The following SCN9A variants were observed in gnomAD, a reference collection of about 807,000 sequenced individuals.
SCN9A encodes the protein sodium channel protein type 9 subunit alpha.
SCN9A carries 131 observed loss-of-function variants against 187.0 expected under a neutral mutation model. That is an observed-to-expected ratio of 0.70 (90% CI 0.61 to 0.81). The LOEUF is 0.81. SCN9A is among the 30% of genes least tolerant of loss of function. The pLI, the probability that SCN9A is intolerant of heterozygous loss-of-function variation, is 0.00. For synonymous variants in SCN9A, 809 were observed against 808.6 expected, an observed-to-expected ratio of 1.00 and a Z score of -0.01; for missense variants, 2,252 against 2,396.6, an observed-to-expected ratio of 0.94 and a Z score of 1.26.
At chr2:166,204,764 A>C (rs890012871) in intron 24 of SCN9A, 2 of 170,938 alleles carry the variant, frequency 1.2e-5, no homozygotes, top group East Asian at 3.1e-4. Flanking sequence ...TATCTTTTTT[A>C]TCTGCTAGCT....
At chr2:166,335,275 A>G (rs1358662289) in intron 1 of SCN9A, among the ~76,000 whole-genome samples, 1 of 152,104 alleles carries the variant, frequency 6.6e-6, no homozygotes, top group African/African-American at 2.4e-5. Context: ...CATAAACAAG[A>G]GTTGAGCCAA....
rs372625083 is a variant in SCN9A, at chr2:166,297,024, C to T, written c.902-2362G>A. Among the ~76,000 whole-genome samples, 701 of 151,240 alleles carry T rather than the reference C, an allele frequency of 4.6e-3. 2 individuals carry two copies. The highest frequency in any genetic ancestry group is 0.021 in the Middle Eastern group (6 of 292). On this transcript the variant is annotated intron_variant, in intron 7 of 26. Coordinates refer to ENST00000642356, the MANE Select transcript of SCN9A (RefSeq NM_001365536.1). ...CATCCTGGCTAACACAATGAAACCC[C>T]GTCTCTACTAAAAATACAAAAAAAT...
Position 166,199,247 on chromosome 2 carries a change from C to G in SCN9A, c.5392G>C (p.Glu1798Gln), listed in dbSNP as rs770416478. The G allele has an allele frequency of 8.7e-6, 14 of 1,614,112 alleles. 1 individual carries two copies. In the South Asian group the frequency reaches 1.5e-4, roughly 18 times the overall value. Residue 1798 changes from glutamate (E) to glutamine (Q), a missense_variant, in exon 27 of 27, where the codon GAG becomes CAG. This residue lies in a region of SCN9A where 345 missense variants were observed against 344.6 expected (regional missense o/e 1.00). Transcript: ENST00000642356. ...GCAAAATCAGAGAGTTTAGAGAACT[C>G]TATAAACTGGGTCGCATCGGGATCA... ...KFDPDATQFI[E>Q]FSKLSDFAAA...
chr2:166,208,901 G>A (rs16851795), intron 24 of SCN9A, among the ~76,000 whole-genome samples: 2 of 152,148 alleles, frequency 1.3e-5, no homozygotes, highest in Non-Finnish European at 2.9e-5. Flanking sequence ...CTTTCTAGGG[G>A]CTAATTTATT....
chr2:166,347,249 ATTTTTTT>A (rs1471296121), intron 1 of SCN9A, among the ~76,000 whole-genome samples: 1 of 152,032 alleles, frequency 6.6e-6, no homozygotes, highest in African/African-American at 2.4e-5. Flanking sequence ...GGGATCTTTT[ATTTTTTT>A]GAGTATTCTG....
chr2:166,226,622 GT>G lies in SCN9A; in HGVS notation c.4342del (p.Thr1448LeufsTer2). The G allele has an allele frequency of 6.3e-7, 1 of 1,588,818 alleles. No homozygotes were observed. Among genetic ancestry groups the G allele is most frequent in the Non-Finnish European group, 8.6e-7 (1 of 1,166,750 alleles). Reference sequence around the variant, plus strand: ...GATGACACCAATGAACAAGTTCAAAGTGAAGAATGACCCAAAGATGATAAAG... The same window carrying G: ...GATGACACCAATGAACAAGTTCAAAGGAAGAATGACCCAAAGATGATAAAG... ...VVFIIFGSFF[T>X]LNLFIGVIID... On this transcript the variant is annotated frameshift_variant, in exon 24 of 27. Coordinates refer to ENST00000642356, the MANE Select transcript of SCN9A (RefSeq NM_001365536.1). LOFTEE classifies it high-confidence loss of function.
chr2:166,243,395 A>G (rs1267943013), intron 18 of SCN9A, among the ~76,000 whole-genome samples: 3 of 151,996 alleles, frequency 2.0e-5, no homozygotes, highest in African/African-American at 4.8e-5. Flanking sequence ...GGTTAGGTAG[A>G]TAAAAACAGA....
intron 24 of SCN9A, among the ~76,000 whole-genome samples, chr2:166,220,144 A>G (rs1402681621): frequency 6.6e-6 from 1 of 152,204 alleles, no homozygotes; most frequent in Non-Finnish European, 1.5e-5. Context: ...GTGATACACC[A>G]CATGATCTGA....
intron 12 of SCN9A, among the ~76,000 whole-genome samples, chr2:166,282,569 C>A (rs892438652): frequency 3.3e-5 from 5 of 152,034 alleles, no homozygotes; most frequent in African/African-American, 1.2e-4. Context: ...GCCAGAAATA[C>A]ACACACACAC....
intron 1 of SCN9A, among the ~76,000 whole-genome samples, chr2:166,327,090 G>A (rs1699382479): frequency 6.6e-6 from 1 of 152,068 alleles, no homozygotes; most frequent in African/African-American, 2.4e-5. Flanking sequence ...ATTTAATATT[G>A]CGTTTATACC....
At chr2:166,276,910 A>C (rs1697258497) in intron 16 of SCN9A, 73 bp downstream of exon 16, 1 of 1,129,402 alleles carries the variant, frequency 8.9e-7, no homozygotes, top group South Asian at 2.5e-5. Context: ...TAAAATTATA[A>C]AAATAATAGA....
In SCN9A at chr2:166,266,332, A is replaced by G. The variant is rs574806254; in HGVS notation, c.3351+6067T>C. Among the ~76,000 whole-genome samples the G allele has an allele frequency of 6.6e-5, 10 of 151,974 alleles. 1 individual carries two copies. The East Asian group carries it at 1.9e-3, about 30-fold the overall frequency. On this transcript the variant is annotated intron_variant, in intron 17 of 26. Transcript: ENST00000642356. ...TTACTAAAGAGGCTGTCCTTTCTCT[A>G]TTATAGGTACTTGGAACCTTGTCAA...
Position 166,199,410 on chromosome 2 carries a change from A to G in SCN9A, c.5229T>C (p.Tyr1743=), listed in dbSNP as rs759253467. 1.9e-6 allele frequency: 3 copies of G among 1,614,242 alleles called. No individual in the cohort carries two copies. Among genetic ancestry groups the G allele is most frequent in the South Asian group, 2.2e-5 (2 of 91,086 alleles). ...PSVGIFYFVS[Y]IIISFLVVVN... is the part of the protein sequence containing the mutation. ...CCACAACCAGGAAGGATATGATGAT[A>G]TAACTAACAAAGTAGAATATTCCAA... The change falls in exon 27 of 27, where the codon TAT becomes TAC. Residue 1743 remains tyrosine, a synonymous_variant. Coordinates refer to ENST00000642356, the MANE Select transcript of SCN9A (RefSeq NM_001365536.1).
At chr2:166,356,228 T>A (rs1700149669) in intron 1 of SCN9A, among the ~76,000 whole-genome samples, 1 of 152,218 alleles carries the variant, frequency 6.6e-6, no homozygotes, top group African/African-American at 2.4e-5. Context: ...AACATTTTTT[T>A]ATTTAGATTT....
Position 166,272,950 on chromosome 2 carries a change from CT to C in SCN9A, c.2875-76del, listed in dbSNP as rs1697069114. 7.0e-6 allele frequency: 5 copies of C among 710,374 alleles called. 1 individual carries two copies. In the South Asian group the frequency reaches 1.9e-4, roughly 27 times the overall value. The allele number at this position is 710,374 out of a possible 1,614,324, so 44.0% of individuals were successfully genotyped here. A position where few individuals can be genotyped will look rare whatever the true frequency, so the allele number is the denominator to read the frequency against. The stretch of plus-strand genomic sequence containing the variant: ...TAAAAAATAAAATAAAATAAGTACA[CT>C]TTTCCGAATATAGGCCACAATACAA... On this transcript the variant is annotated intron_variant, in intron 16 of 26. Coordinates refer to ENST00000642356, the MANE Select transcript of SCN9A (RefSeq NM_001365536.1).
chr2:166,299,054 T>C (rs1698440252), intron 7 of SCN9A, among the ~76,000 whole-genome samples: 1 of 152,204 alleles, frequency 6.6e-6, no homozygotes, highest in African/African-American at 2.4e-5. Context: ...TGCAGTCTTC[T>C]CTTCTATCTT....
At chr2:166,288,120 T>TATATATATATACACACACAC (rs56738765) in intron 10 of SCN9A, among the ~76,000 whole-genome samples, 117 of 135,518 alleles carry the variant, frequency 8.6e-4, no homozygotes, top group Non-Finnish European at 1.5e-3. Context: ...TATATATATA[T>TATATATATATACACACACAC]ACACACACAT....
intron 1 of SCN9A, among the ~76,000 whole-genome samples, chr2:166,317,872 T>C (rs1699145150): frequency 6.6e-6 from 1 of 152,120 alleles, no homozygotes; most frequent in Non-Finnish European, 1.5e-5. Context: ...AAAAAAGTTA[T>C]CATAAATCAT....
Position 166,272,769 on chromosome 2 carries a change from C to G in SCN9A, c.2981G>C (p.Arg994Thr). 6.5e-7 allele frequency: 1 copy of G among 1,536,010 alleles called. No individual in the cohort carries two copies. Among genetic ancestry groups the G allele is most frequent in the Non-Finnish European group, 8.7e-7 (1 of 1,145,204 alleles). ...CACATAATTTATTCCCTTTTTAATT[C>G]TAGTCACTGCAATCTGGAGGTTGTT... ...DANNLQIAVT[R>T]IKKGINYVKQ... Residue 994 changes from arginine (R) to threonine (T), a missense_variant, in exon 17 of 27, where the codon AGA becomes ACA. Around this residue, in one of 7 missense-constraint regions of SCN9A, gnomAD observed 313 missense variants for 295.3 expected, o/e 1.06. Transcript: ENST00000642356.
Sources: gnomAD v4.1 joint callset for allele counts (sites outside exome capture counted in the v4.1 genomes callset) on GRCh38, gnomAD v4.1.1 for gene constraint, gnomAD v4.1.1 regional missense constraint, MANE v1.5 for transcripts, NCBI Gene and HGNC (gene_info 2026-07-23, HGNC 2026-07-21) for gene names.